ILRUN: variants seen among roughly 807,000 people sequenced by gnomAD.
ILRUN encodes inflammation and lipid regulator with UBA-like and NBR1-like domains.
Under a neutral mutation model 33.8 loss-of-function variants are expected in ILRUN, and 3 were observed. That is an observed-to-expected ratio of 0.09 (90% CI 0.04 to 0.23). The LOEUF (loss-of-function observed/expected upper bound fraction) is 0.23. Ranked by LOEUF, ILRUN falls within the 10% of genes least tolerant of loss-of-function variation. The probability of loss-of-function intolerance (pLI) is 1.00; values close to 1 mark genes in which losing one functional copy is unlikely to be tolerated. For synonymous variants in ILRUN, 124 were observed against 138.9 expected (o/e 0.89, Z 0.75); for missense variants, 210 against 375.1 (o/e 0.56, Z 3.64).
intron 2 of ILRUN, among the ~76,000 whole-genome samples, chr6:34,647,238 G>A (rs1762577866): frequency 6.6e-6 from 1 of 152,202 alleles, no homozygotes; most frequent in Non-Finnish European, 1.5e-5. Flanking sequence ...ACAGAAACAA[G>A]AGGATGAAAC....
In ILRUN at chr6:34,646,853, G is replaced by A. The variant is rs1762572220; in HGVS notation, c.314-55C>T. 3.3e-6 allele frequency: 5 copies of A among 1,533,548 alleles called. No individual in the cohort carries two copies. Among genetic ancestry groups the A allele is most frequent in the Non-Finnish European group, 4.5e-6 (5 of 1,114,106 alleles). 95.0% of individuals were successfully genotyped at this position (1,533,548 alleles called of 1,614,324 possible). A position where few individuals can be genotyped will look rare whatever the true frequency, so the allele number is the denominator to read the frequency against. On this transcript the variant is annotated intron_variant, in intron 2 of 4. Transcript: ENST00000374023. The surrounding 1 kb of genome is among the most constrained non-coding windows in gnomAD (Gnocchi z 4.9). The stretch of plus-strand genomic sequence containing the variant: ...GGCAATCAATGGTCCTATGCTGGGT[G>A]CAGTTTATTATGAAACTGTAGAAGA...
At chr6:34,626,169 A>T (rs542828870) in intron 3 of ILRUN, among the ~76,000 whole-genome samples, 2 of 151,022 alleles carry the variant, frequency 1.3e-5, no homozygotes, top group East Asian at 3.9e-4. Context: ...TTTTTAACAG[A>T]TTCCTTTTTT....
intron 1 of ILRUN, among the ~76,000 whole-genome samples, chr6:34,660,423 A>G (rs540781057): frequency 1.3e-5 from 2 of 152,174 alleles, no homozygotes; most frequent in Non-Finnish European, 2.9e-5. Context: ...GAAACTCAAA[A>G]GAACACAAAT....
chr6:34,656,785 A>C (rs945186063), intron 1 of ILRUN, among the ~76,000 whole-genome samples: 2 of 152,248 alleles, frequency 1.3e-5, no homozygotes, highest in Non-Finnish European at 2.9e-5. Context: ...ACCTGAGGTC[A>C]AGCCTCATGC....
Position 34,590,405 on chromosome 6 carries a change from A to G in ILRUN, c.*160T>C, listed in dbSNP as rs761080704. 1.6e-5 allele frequency: 16 copies of G among 983,722 alleles called. No homozygotes were observed. Among genetic ancestry groups the G allele is most frequent in the Non-Finnish European group, 2.3e-5 (16 of 685,004 alleles). 60.9% of individuals were successfully genotyped at this position (983,722 alleles called of 1,614,324 possible). A position where few individuals can be genotyped will look rare whatever the true frequency, so the allele number is the denominator to read the frequency against. On this transcript the variant is annotated 3_prime_UTR_variant, in exon 5 of 5. Coordinates refer to ENST00000374023, the MANE Select transcript of ILRUN (RefSeq NM_024294.4). ...CACACATGCATACTGAGTTTACTCA[A>G]AACTAGTCTGTTCTGCTTCTTCCTC...
chr6:34,590,929 AAATGTCTC>A (rs1761281752), intron 4 of ILRUN, among the ~76,000 whole-genome samples: 1 of 152,296 alleles, frequency 6.6e-6, no homozygotes, highest in East Asian at 1.9e-4. Flanking sequence ...TTCTTGACAA[AAATGTCTC>A]AACCACTCTG....
chr6:34,610,086 G>C (rs375396950), intron 3 of ILRUN, among the ~76,000 whole-genome samples: 1 of 151,776 alleles, frequency 6.6e-6, no homozygotes. Context: ...GCATGAACCC[G>C]GGAGGCAGAG....
chr6:34,640,831 A>G (rs939598770), intron 3 of ILRUN, among the ~76,000 whole-genome samples: 6 of 152,136 alleles, frequency 3.9e-5, no homozygotes, highest in African/African-American at 1.4e-4. Flanking sequence ...CTGTAATCCC[A>G]GTACTTTGGG....
At chr6:34,675,703 C>T (rs1205337411) in intron 1 of ILRUN, among the ~76,000 whole-genome samples, 1 of 151,894 alleles carries the variant, frequency 6.6e-6, no homozygotes, top group Non-Finnish European at 1.5e-5. Context: ...ACTGGAGGAA[C>T]CATAAGAATC....
chr6:34,681,122 A>AC (rs776101227), intron 1 of ILRUN, among the ~76,000 whole-genome samples: 86 of 152,230 alleles, frequency 5.6e-4, no homozygotes, highest in Middle Eastern at 3.4e-3. Context: ...TTAGAAGCAC[A>AC]TCATGTATCA....
At chr6:34,633,432 C>A (rs1225953443) in intron 3 of ILRUN, among the ~76,000 whole-genome samples, 3 of 152,174 alleles carry the variant, frequency 2.0e-5, no homozygotes, top group African/African-American at 7.2e-5. Context: ...AATCAACCAA[C>A]TGGATCGAAC....
chr6:34,621,625 G>A (rs1266099832), intron 3 of ILRUN, among the ~76,000 whole-genome samples: 3 of 152,156 alleles, frequency 2.0e-5, no homozygotes, highest in Non-Finnish European at 2.9e-5. Context: ...TTGGGTGGCC[G>A]AGGCAGGCAG....
At chr6:34,663,049 A>G (rs928002864) in intron 1 of ILRUN, among the ~76,000 whole-genome samples, 5 of 151,690 alleles carry the variant, frequency 3.3e-5, no homozygotes, top group Admixed American at 1.3e-4. Context: ...AGCCCTAATG[A>G]TGCCACCCTA....
At chr6:34,680,855 C>T (rs1021410214) in intron 1 of ILRUN, among the ~76,000 whole-genome samples, 7 of 150,356 alleles carry the variant, frequency 4.7e-5, no homozygotes, top group Non-Finnish European at 8.9e-5. Context: ...GGCTTTAGAA[C>T]AGGAAAGAAA....
At chr6:34,604,562 C>A (rs1050961661) in intron 4 of ILRUN, among the ~76,000 whole-genome samples, 1 of 152,218 alleles carries the variant, frequency 6.6e-6, no homozygotes, top group African/African-American at 2.4e-5. Context: ...TTAAACCCAA[C>A]AGACTGAAGT....
intron 3 of ILRUN, chr6:34,616,802 G>A (rs1761900950): frequency 1.4e-6 from 1 of 693,432 alleles, no homozygotes; most frequent in East Asian, 2.6e-5. Flanking sequence ...TAGGATCAGA[G>A]GTATCAATGG....
intron 1 of ILRUN, chr6:34,696,235 G>C: frequency 5.8e-6 from 3 of 520,692 alleles, no homozygotes; most frequent in African/African-American, 2.0e-5. Context: ...CGCCCCTCCT[G>C]CCTCCGTGGT....
chr6:34,677,169 T>A (rs543012853), intron 1 of ILRUN, among the ~76,000 whole-genome samples: 1 of 152,058 alleles, frequency 6.6e-6, no homozygotes, highest in East Asian at 1.9e-4. Flanking sequence ...TAGCCAGGCA[T>A]GGTGGTGTAT....
Position 34,681,334 on chromosome 6 carries a change from A to G in ILRUN, c.158+15112T>C, listed in dbSNP as rs74585509. Among the ~76,000 whole-genome samples the G allele has an allele frequency of 4.3e-3, 648 of 152,326 alleles. 5 individuals are homozygous for G. Among genetic ancestry groups the G allele is most frequent in the African/African-American group, 0.015 (603 of 41,574 alleles). On this transcript the variant is annotated intron_variant, in intron 1 of 4. Transcript: ENST00000374023. ...ATACATAGTGGGGCTGACCCTCTAT[A>G]TTTGGGAATAAACTGCCCCCCCTCC...
Sources: allele counts gnomAD v4.1 joint callset (sites outside exome capture counted in the v4.1 genomes callset), GRCh38; gene constraint gnomAD v4.1.1; non-coding constraint Gnocchi (gnomAD v3.1); transcripts MANE v1.5; gene names NCBI Gene and HGNC (gene_info 2026-07-23, HGNC 2026-07-21).